The following B3GALT1 variants were observed in gnomAD, a reference collection of about 807,000 sequenced individuals.
B3GALT1 encodes UDP-Gal:betaGlcNAc beta 1,3-galactosyltransferase, polypeptide 1.
A neutral mutation model predicts 23.2 loss-of-function variants in B3GALT1; 10 were observed. The observed-to-expected ratio is 0.43, with a 90% CI of 0.27 to 0.73. B3GALT1 has a LOEUF of 0.73. B3GALT1 is among the 30% of genes least tolerant of loss of function. B3GALT1 has a pLI of 0.21. For missense variants in B3GALT1, 299 were observed against 405.4 expected (o/e 0.74, Z 2.25); for synonymous variants, 156 against 141.5 (o/e 1.10, Z -0.73).
At chr2:167,668,704 C>T (rs1379818409) in intron 3 of B3GALT1, among the ~76,000 whole-genome samples, 3 of 152,146 alleles carry the variant, frequency 2.0e-5, no homozygotes, top group African/African-American at 4.8e-5. Flanking sequence ...GGGAGTGACC[C>T]GATTTTCCAG....
At chr2:167,719,087 G>A (rs1179709491) in intron 3 of B3GALT1, among the ~76,000 whole-genome samples, 4 of 152,106 alleles carry the variant, frequency 2.6e-5, no homozygotes, top group African/African-American at 7.2e-5. Flanking sequence ...CTAAAAAATA[G>A]CATTAGTTAT....
Position 167,851,208 on chromosome 2 carries a change from T to TA in B3GALT1, c.-229-17596dup, listed in dbSNP as rs528342108. ...AGTCGTCAAATACACTGTTAGAGGT[T>TA]AAAAAAATCAAGAATAATAAGCTAC... On this transcript the variant is annotated intron_variant, in intron 4 of 4. Transcript: ENST00000392690. 2.2e-5 allele frequency among the ~76,000 whole-genome samples: 3 copies of TA among 138,490 alleles called. No individual in the cohort carries two copies. In the Admixed American group the frequency reaches 2.2e-4, roughly 10 times the overall value. 90.9% of individuals were successfully genotyped at this position (138,490 alleles called of 152,430 possible).
chr2:167,838,253 A>C (rs1689536593), intron 4 of B3GALT1, among the ~76,000 whole-genome samples: 1 of 152,328 alleles, frequency 6.6e-6, no homozygotes, highest in South Asian at 2.1e-4. Context: ...TTTTTTGAAA[A>C]GATCAACAAA....
chr2:167,594,891 G>A (rs1684748932), intron 2 of B3GALT1, among the ~76,000 whole-genome samples: 1 of 152,040 alleles, frequency 6.6e-6, no homozygotes, highest in Admixed American at 6.5e-5. Context: ...AGGTGAAAGG[G>A]TGAGACTCTG....
chr2:167,503,588 C>T (rs1024532539), intron 2 of B3GALT1, among the ~76,000 whole-genome samples: 10 of 152,316 alleles, frequency 6.6e-5, no homozygotes, highest in East Asian at 1.9e-4. Context: ...ACAAATTCTA[C>T]GTTTTGACCA....
intron 3 of B3GALT1, among the ~76,000 whole-genome samples, chr2:167,781,063 C>T (rs1329860502): frequency 6.6e-6 from 1 of 152,138 alleles, no homozygotes; most frequent in Non-Finnish European, 1.5e-5. Flanking sequence ...CCCACCTAGT[C>T]CAGCACATAG....
intron 1 of B3GALT1, among the ~76,000 whole-genome samples, chr2:167,295,753 A>C (rs1696339578): frequency 6.8e-6 from 1 of 146,800 alleles, no homozygotes; most frequent in South Asian, 2.2e-4. Flanking sequence ...TGCTCATTTT[A>C]AGGTTGTGTG....
At chr2:167,523,511 C>G (rs779229511) in intron 2 of B3GALT1, among the ~76,000 whole-genome samples, 2 of 151,810 alleles carry the variant, frequency 1.3e-5, no homozygotes, top group Non-Finnish European at 2.9e-5. Flanking sequence ...CTGCAACTTC[C>G]GCGTCCCACG....
chr2:167,844,988 A>C (rs1689725857), intron 4 of B3GALT1, among the ~76,000 whole-genome samples: 1 of 152,050 alleles, frequency 6.6e-6, no homozygotes, highest in African/African-American at 2.4e-5. Flanking sequence ...CACTTCCCTG[A>C]CAACCTGCAT....
intron 3 of B3GALT1, among the ~76,000 whole-genome samples, chr2:167,689,265 G>A (rs562405174): frequency 1.3e-5 from 2 of 152,034 alleles, no homozygotes; most frequent in South Asian, 4.2e-4. Flanking sequence ...CATTGTGAAA[G>A]TGCTGAAAGA....
At chr2:167,812,786 G>T (rs1365273335) in intron 3 of B3GALT1, among the ~76,000 whole-genome samples, 1 of 152,042 alleles carries the variant, frequency 6.6e-6, no homozygotes, top group Non-Finnish European at 1.5e-5. Flanking sequence ...TATTTTTAGG[G>T]CTCCAGGCTA....
intron 1 of B3GALT1, among the ~76,000 whole-genome samples, chr2:167,466,539 G>A (rs1194342337): frequency 2.8e-5 from 4 of 143,308 alleles, no homozygotes; most frequent in African/African-American, 1.0e-4. Flanking sequence ...AGAATTGCTT[G>A]AACCTGGGAG....
intron 1 of B3GALT1, among the ~76,000 whole-genome samples, chr2:167,407,872 A>G (rs1333924197): frequency 1.3e-5 from 2 of 152,182 alleles, no homozygotes; most frequent in Admixed American, 6.5e-5. Flanking sequence ...GGACCTGATT[A>G]CTTCACTCCT....
At chr2:167,395,663 A>C (rs1698082075) in intron 1 of B3GALT1, among the ~76,000 whole-genome samples, 1 of 152,146 alleles carries the variant, frequency 6.6e-6, no homozygotes. Context: ...AGTGTGGGTA[A>C]CGTTTTACAG....
intron 3 of B3GALT1, among the ~76,000 whole-genome samples, chr2:167,698,674 T>C (rs1686823956): frequency 6.6e-6 from 1 of 152,230 alleles, no homozygotes; most frequent in African/African-American, 2.4e-5. Flanking sequence ...AGCACAAGAC[T>C]TTGACAAGTT....
At chr2:167,470,563 T>C (rs1035547677) in intron 1 of B3GALT1, among the ~76,000 whole-genome samples, 1 of 152,218 alleles carries the variant, frequency 6.6e-6, no homozygotes, top group East Asian at 1.9e-4. Flanking sequence ...TTTCAAAATG[T>C]TGATGTCTAG....
chr2:167,331,610 T>C (rs921927068), intron 1 of B3GALT1, among the ~76,000 whole-genome samples: 5 of 152,144 alleles, frequency 3.3e-5, no homozygotes, highest in Non-Finnish European at 5.9e-5. Flanking sequence ...GCTTAGGTGC[T>C]ACCACTAGTG....
At chr2:167,317,230 C>T (rs549226155) in intron 1 of B3GALT1, among the ~76,000 whole-genome samples, 1 of 152,240 alleles carries the variant, frequency 6.6e-6, no homozygotes, top group African/African-American at 2.4e-5. Flanking sequence ...CATAAATGAA[C>T]ATTGCAGACA....
chr2:167,785,998 T>C (rs975727870), intron 3 of B3GALT1, among the ~76,000 whole-genome samples: 2 of 152,220 alleles, frequency 1.3e-5, no homozygotes, highest in African/African-American at 2.4e-5. Flanking sequence ...GGGTGCTACG[T>C]TGAAAGCAAT....
Sources: allele counts gnomAD v4.1 joint callset (sites outside exome capture counted in the v4.1 genomes callset), GRCh38; gene constraint gnomAD v4.1.1; transcripts MANE v1.5; gene names NCBI Gene and HGNC (gene_info 2026-07-23, HGNC 2026-07-21).